Variants in MGAT4C observed in about 807,000 individuals in gnomAD.
MGAT4C encodes alpha-1,3-mannosyl-glycoprotein 4-beta-N-acetylglucosaminyltransferase C.
In MGAT4C, 19 loss-of-function variants were observed where a neutral mutation model predicts 40.1. The ratio of observed to expected loss-of-function variants is 0.47; its 90% confidence interval spans 0.33 to 0.70. MGAT4C has a LOEUF of 0.70. Ranked by LOEUF, MGAT4C falls within the 30% of genes least tolerant of loss-of-function variation. The probability of loss-of-function intolerance (pLI) is 0.02; values close to 1 mark genes in which losing one functional copy is unlikely to be tolerated. For synonymous variants in MGAT4C, 181 were observed against 187.1 expected (o/e 0.97, Z 0.27); for missense variants, 491 against 563.2 (o/e 0.87, Z 1.30).
intron 1 of MGAT4C, among the ~76,000 whole-genome samples, chr12:86,200,636 C>T (rs372182346): frequency 2.1e-4 from 32 of 152,064 alleles, no homozygotes; most frequent in African/African-American, 6.0e-4. Context: ...TATGTTCTTA[C>T]GGGACATTTG....
intron 2 of MGAT4C, among the ~76,000 whole-genome samples, chr12:86,443,584 T>TG (rs1274103310): frequency 6.6e-6 from 1 of 152,094 alleles, no homozygotes; most frequent in Non-Finnish European, 1.5e-5. Context: ...ACTGTTTTTT[T>TG]TTTGTTGTTG....
intron 3 of MGAT4C, among the ~76,000 whole-genome samples, chr12:86,417,936 A>T (rs2136252069): frequency 6.6e-6 from 1 of 152,260 alleles, no homozygotes; most frequent in Non-Finnish European, 1.5e-5. Flanking sequence ...AAATGAAAAA[A>T]CTGTTGCTTA....
intron 3 of MGAT4C, among the ~76,000 whole-genome samples, chr12:86,383,549 CAAAAAAAAA>C (rs1159593477): frequency 2.0e-5 from 1 of 49,854 alleles, no homozygotes; most frequent in East Asian, 8.9e-4. Context: ...CACTTCGTCT[CAAAAAAAAA>C]AAAAAAAAAA....
chr12:86,113,338 A>G (rs534363303), intron 1 of MGAT4C, among the ~76,000 whole-genome samples: 1 of 151,902 alleles, frequency 6.6e-6, no homozygotes, highest in Non-Finnish European at 1.5e-5. Context: ...ACAAAATCTA[A>G]CTGTGGTGCA....
At chr12:86,275,537 C>T (rs563394999) in intron 4 of MGAT4C, among the ~76,000 whole-genome samples, 1 of 152,156 alleles carries the variant, frequency 6.6e-6, no homozygotes, top group East Asian at 1.9e-4. Flanking sequence ...AGGAAAGTTG[C>T]AAATATGATT....
rs551781705 is a variant in MGAT4C at position 86,591,613 on chromosome 12, A to C, written c.-229+135596T>G. On this transcript the variant is annotated intron_variant, in intron 2 of 7. Transcript: ENST00000548651. ...ATACTTAAGAACTCATTATGTTGAA[A>C]AGTATGTTTTTATGAAGATGATATA... Among the ~76,000 whole-genome samples, 32 of 151,982 alleles carry C rather than the reference A, an allele frequency of 2.1e-4. No individual in the cohort carries two copies. In the South Asian group the frequency reaches 6.4e-3, roughly 31 times the overall value.
At chr12:86,735,685 A>T (rs567878912) in intron 1 of MGAT4C, among the ~76,000 whole-genome samples, 1 of 152,018 alleles carries the variant, frequency 6.6e-6, no homozygotes, top group African/African-American at 2.4e-5. Flanking sequence ...TGAAGAAGTT[A>T]TTTTGTATCT....
intron 2 of MGAT4C, among the ~76,000 whole-genome samples, chr12:86,508,461 T>G (rs1024661402): frequency 4.6e-5 from 7 of 152,188 alleles, no homozygotes; most frequent in African/African-American, 1.7e-4. Flanking sequence ...TCTATCATTG[T>G]TGGACATTTG....
At chr12:85,992,216 A>C (rs2136731003) in intron 2 of MGAT4C, among the ~76,000 whole-genome samples, 1 of 152,354 alleles carries the variant, frequency 6.6e-6, no homozygotes, top group South Asian at 2.1e-4. Flanking sequence ...CCAGGACTTA[A>C]GACATGGAGA....
At chr12:86,138,477 C>CCATATATATATTTCCATATATATATAT (rs1566037169) in intron 1 of MGAT4C, among the ~76,000 whole-genome samples, 38 of 125,068 alleles carry the variant, frequency 3.0e-4, no homozygotes, top group Non-Finnish European at 9.8e-5. Context: ...CCATATATAT[C>CCATATATATATTTCCATATATATATAT]CATATATATA....
chr12:86,407,810 T>TA (rs1956505588), intron 3 of MGAT4C, among the ~76,000 whole-genome samples: 1 of 152,114 alleles, frequency 6.6e-6, no homozygotes, highest in Non-Finnish European at 1.5e-5. Context: ...ATTGTAGCCT[T>TA]ATGTCAGCCA....
chr12:86,583,933 C>A (rs573699431), intron 2 of MGAT4C, among the ~76,000 whole-genome samples: 33 of 150,990 alleles, frequency 2.2e-4, no homozygotes, highest in African/African-American at 8.0e-4. Context: ...TCTTCCTTTA[C>A]CTTATACTAC....
intron 2 of MGAT4C, among the ~76,000 whole-genome samples, chr12:86,489,613 G>A (rs1958092487): frequency 6.6e-6 from 1 of 152,184 alleles, no homozygotes; most frequent in South Asian, 2.1e-4. Context: ...ATGCTACTGT[G>A]GGACATGCAT....
At chr12:86,762,356 G>A (rs761595405) in intron 1 of MGAT4C, among the ~76,000 whole-genome samples, 4 of 151,892 alleles carry the variant, frequency 2.6e-5, no homozygotes, top group African/African-American at 4.8e-5. Context: ...TGGCCCTAAG[G>A]CTACACTCTT....
chr12:86,496,661 A>G (rs996403790), intron 2 of MGAT4C, among the ~76,000 whole-genome samples: 1 of 152,040 alleles, frequency 6.6e-6, no homozygotes, highest in Non-Finnish European at 1.5e-5. Flanking sequence ...ATCTGATTGC[A>G]TGGAAGATCA....
chr12:86,453,529 G>A (rs1203728224), intron 2 of MGAT4C, among the ~76,000 whole-genome samples: 1 of 152,046 alleles, frequency 6.6e-6, no homozygotes, highest in East Asian at 1.9e-4. Flanking sequence ...TTTTTTTCAT[G>A]CTTCAATATA....
At chr12:86,204,497 T>C (rs893208349) in intron 1 of MGAT4C, among the ~76,000 whole-genome samples, 3 of 152,172 alleles carry the variant, frequency 2.0e-5, no homozygotes, top group African/African-American at 7.2e-5. Context: ...AGACATATTA[T>C]AAAATTAAGC....
intron 2 of MGAT4C, among the ~76,000 whole-genome samples, chr12:86,601,507 C>T (rs934277449): frequency 2.6e-5 from 4 of 152,108 alleles, no homozygotes; most frequent in East Asian, 1.9e-4. Context: ...GTCTCATCTC[C>T]TTTGAGAGCT....
chr12:86,765,061 C>G (rs1382618076), intron 1 of MGAT4C, among the ~76,000 whole-genome samples: 1 of 152,080 alleles, frequency 6.6e-6, no homozygotes, highest in African/African-American at 2.4e-5. Context: ...GATGATCAAA[C>G]TACTCTGAGC....
Sources: allele counts gnomAD v4.1 joint callset (sites outside exome capture counted in the v4.1 genomes callset), GRCh38; gene constraint gnomAD v4.1.1; transcripts MANE v1.5; gene names NCBI Gene and HGNC (gene_info 2026-07-23, HGNC 2026-07-21).